The following SMOC2 variants were observed in gnomAD, a reference collection of about 807,000 sequenced individuals.
SMOC2 encodes SPARC-related modular calcium-binding protein 2.
Under a neutral mutation model 61.4 loss-of-function variants are expected in SMOC2, and 39 were observed. The observed-to-expected ratio is 0.64, with a 90% confidence interval of 0.49 to 0.83. The LOEUF is 0.83. SMOC2 is among the 40% of genes least tolerant of loss of function. The probability of loss-of-function intolerance (pLI) is 0.00; values close to 1 mark genes in which losing one functional copy is unlikely to be tolerated. For synonymous variants in SMOC2, 247 were observed against 239.9 expected (o/e 1.03, Z -0.27); for missense variants, 556 against 592.9 (o/e 0.94, Z 0.65).
chr6:168,621,014 C>A lies in SMOC2; in HGVS notation c.907+12775C>A, dbSNP rs934840142. On this transcript the variant is annotated intron_variant, in intron 9 of 12. Coordinates refer to ENST00000356284, the MANE Select transcript of SMOC2 (RefSeq NM_001166412.2). ...TCAAAACCTGGCTTGTGATGAATAA[C>A]CACAGGCTATGGAAACCCCTAGGAT... Among the ~76,000 whole-genome samples, 21 of 149,818 alleles carry A rather than the reference C, an allele frequency of 1.4e-4. 1 individual carries two copies. The highest frequency in any genetic ancestry group is 5.1e-4 in the African/African-American group (20 of 39,192).
intron 1 of SMOC2, among the ~76,000 whole-genome samples, chr6:168,477,032 G>A (rs1782102328): frequency 6.6e-6 from 1 of 152,160 alleles, no homozygotes; most frequent in South Asian, 2.1e-4. Flanking sequence ...AACCAAAGCT[G>A]GACGAAATTA....
intron 9 of SMOC2, among the ~76,000 whole-genome samples, chr6:168,613,884 G>A (rs1375403623): frequency 1.8e-4 from 16 of 90,440 alleles, no homozygotes; most frequent in East Asian, 3.7e-4. Flanking sequence ...GCCAGCACAG[G>A]ACCTCTTCAC....
At chr6:168,602,620 C>T (rs1470196671) in intron 8 of SMOC2, among the ~76,000 whole-genome samples, 1 of 152,184 alleles carries the variant, frequency 6.6e-6, no homozygotes, top group African/African-American at 2.4e-5. Context: ...AGCCCCTTGG[C>T]ACCCACAGCC....
At chr6:168,613,944 C>A in intron 9 of SMOC2, among the ~76,000 whole-genome samples, 1 of 66,712 alleles carries the variant, frequency 1.5e-5, no homozygotes, top group Non-Finnish European at 3.1e-5. Context: ...CAGCACAGGG[C>A]CTCTTCACAC....
At chr6:168,536,405 A>G (rs961182645) in intron 4 of SMOC2, among the ~76,000 whole-genome samples, 2 of 152,068 alleles carry the variant, frequency 1.3e-5, no homozygotes, top group African/African-American at 4.8e-5. Context: ...TCAGAGGCTG[A>G]CAGGAGCTGG....
At position 168,497,207 on chromosome 6, in the gene SMOC2, C is replaced by T. The variant is rs55971581; in HGVS notation, c.85-12708C>T. On this transcript the variant is annotated intron_variant, in intron 1 of 12. Transcript: ENST00000356284. ...GCCCATGACTGGGTTCTCCTTCCCT[C>T]GCAGAGGAGCCCGGTGGTCACTGGG... Among the ~76,000 whole-genome samples the T allele has an allele frequency of 1.3e-3, 198 of 152,352 alleles. 1 individual carries two copies. The highest frequency in any genetic ancestry group is 0.01 in the Middle Eastern group (3 of 294).
At chr6:168,660,323 A>T (rs545273559) in intron 11 of SMOC2, among the ~76,000 whole-genome samples, 6 of 152,280 alleles carry the variant, frequency 3.9e-5, no homozygotes, top group African/African-American at 1.2e-4. Context: ...CCTGATTTCA[A>T]AAGGTTGTCA....
At position 168,506,406 on chromosome 6, in the gene SMOC2, G is replaced by A. The variant is rs376632774; in HGVS notation, c.85-3509G>A. ...TTTCCTTAATGTCTTCTTATGTCAC[G>A]TTATCTCATATAGTCAGAGACGTAT... On this transcript the variant is annotated intron_variant, in intron 1 of 12. Coordinates refer to ENST00000356284, the MANE Select transcript of SMOC2 (RefSeq NM_001166412.2). Among the ~76,000 whole-genome samples, 8 of 152,166 alleles carry A rather than the reference G, an allele frequency of 5.3e-5. No homozygotes were observed. In the South Asian group the frequency reaches 8.3e-4, roughly 16 times the overall value.
At chr6:168,613,432 GC>G (rs1435033408) in intron 9 of SMOC2, among the ~76,000 whole-genome samples, 1 of 152,122 alleles carries the variant, frequency 6.6e-6, no homozygotes, top group African/African-American at 2.4e-5. Context: ...TGTACCCCAA[GC>G]CAGGGTCCTC....
intron 2 of SMOC2, among the ~76,000 whole-genome samples, chr6:168,514,412 A>G (rs4336422): frequency 0.83 from 126,009 of 152,170 alleles, 53,139 homozygotes; most frequent in Non-Finnish European, 0.91. Flanking sequence ...TGCTTCACCC[A>G]GGAAACCGCA....
intron 7 of SMOC2, among the ~76,000 whole-genome samples, chr6:168,595,414 CT>C (rs1785303363): frequency 1.3e-5 from 2 of 152,190 alleles, no homozygotes. Flanking sequence ...TGATTAAGTC[CT>C]TTATAGAATA....
At chr6:168,466,932 C>A (rs1036937560) in intron 1 of SMOC2, among the ~76,000 whole-genome samples, 1 of 152,188 alleles carries the variant, frequency 6.6e-6, no homozygotes, top group African/African-American at 2.4e-5. Context: ...CTTCCGTTCC[C>A]TTGTCTACTC....
intron 9 of SMOC2, among the ~76,000 whole-genome samples, chr6:168,621,978 T>A (rs1212185583): frequency 6.6e-6 from 1 of 152,124 alleles, no homozygotes; most frequent in Admixed American, 6.5e-5. Flanking sequence ...TCTTTTTTTT[T>A]TTCTTGAGAT....
chr6:168,564,129 C>T lies in SMOC2; in HGVS notation c.637+14926C>T, dbSNP rs149999413. ...ACATATTTTAATTTTTCCCAAATTA[C>T]GTATGTGTATAAGACAAAACACGAA... On this transcript the variant is annotated intron_variant, in intron 7 of 12. Transcript: ENST00000356284. Among the ~76,000 whole-genome samples, 1,343 of 152,252 alleles carry T rather than the reference C, an allele frequency of 8.8e-3. 75 individuals carry two copies. Among genetic ancestry groups the T allele is most frequent in the Admixed American group, 0.078 (1,198 of 15,296 alleles).
At chr6:168,514,027 G>T (rs192742066) in intron 2 of SMOC2, among the ~76,000 whole-genome samples, 51 of 152,210 alleles carry the variant, frequency 3.4e-4, no homozygotes, top group Non-Finnish European at 3.5e-4. Context: ...GGGGCACACA[G>T]CGGGGTGCAC....
chr6:168,487,277 C>CA (rs1415583572), intron 1 of SMOC2, among the ~76,000 whole-genome samples: 7 of 152,168 alleles, frequency 4.6e-5, no homozygotes, highest in African/African-American at 1.7e-4. Flanking sequence ...TAAATAAACT[C>CA]ACAGTGGACA....
At chr6:168,641,988 C>T (rs1043920130) in intron 9 of SMOC2, among the ~76,000 whole-genome samples, 1 of 152,142 alleles carries the variant, frequency 6.6e-6, no homozygotes, top group Non-Finnish European at 1.5e-5. Context: ...AGTTAATGCA[C>T]AAAAGTAGTA....
At chr6:168,511,040 T>C (rs1009614904) in intron 2 of SMOC2, among the ~76,000 whole-genome samples, 3 of 152,190 alleles carry the variant, frequency 2.0e-5, no homozygotes, top group African/African-American at 7.2e-5. Flanking sequence ...TGGCGCTTGA[T>C]ATTGGCATTG....
At chr6:168,442,786 C>T (rs953829216) in intron 1 of SMOC2, among the ~76,000 whole-genome samples, 15 of 152,108 alleles carry the variant, frequency 9.9e-5, no homozygotes, top group African/African-American at 3.6e-4. Flanking sequence ...GTTCATTGCT[C>T]ATACCTCAAA....
Sources: gnomAD v4.1 joint callset for allele counts (sites outside exome capture counted in the v4.1 genomes callset) on GRCh38, gnomAD v4.1.1 for gene constraint, MANE v1.5 for transcripts, NCBI Gene and HGNC (gene_info 2026-07-23, HGNC 2026-07-21) for gene names.